Variants in NUP210 observed in about 807,000 individuals in gnomAD.
NUP210 encodes nucleoporin 210.
In NUP210, 151 loss-of-function variants were observed where a neutral mutation model predicts 196.0. The ratio of observed to expected loss-of-function variants is 0.77; its 90% CI spans 0.67 to 0.88. NUP210 has a LOEUF of 0.88. NUP210 is among the 40% of genes least tolerant of loss of function. NUP210 has a pLI of 0.00. For missense variants in NUP210, 2,314 were observed against 2,493.7 expected, an observed-to-expected ratio of 0.93 and a Z score of 1.53; for synonymous variants, 1,070 against 1,052.7, an observed-to-expected ratio of 1.02 and a Z score of -0.32.
rs1697764676 is a variant in NUP210 at position 13,347,040 on chromosome 3, G to A, written c.2836-3737C>T. 2.0e-6 allele frequency: 2 copies of A among 985,374 alleles called. No homozygotes were observed. The highest frequency in any genetic ancestry group is 2.4e-6 in the Non-Finnish European group (2 of 829,894). 61.0% of individuals were successfully genotyped at this position (985,374 alleles called of 1,614,324 possible). ...AAAAGGTGGATGCACCTGACTTCAG[G>A]CCCTGCAATTGCCACCCACTCCCCA... On this transcript the variant is annotated intron_variant, in intron 20 of 39. Coordinates refer to ENST00000254508, the MANE Select transcript of NUP210 (RefSeq NM_024923.4). The surrounding 1 kb of genome is among the most constrained non-coding windows in gnomAD (Gnocchi z 4.7).
intron 21 of NUP210, among the ~76,000 whole-genome samples, chr3:13,342,901 G>A (rs1559317758): frequency 6.6e-6 from 1 of 152,228 alleles, no homozygotes; most frequent in East Asian, 1.9e-4. Flanking sequence ...CAGAAGACAT[G>A]AATTCCCAGG....
chr3:13,396,178 A>T (rs149431916), intron 3 of NUP210, among the ~76,000 whole-genome samples: 53 of 152,308 alleles, frequency 3.5e-4, no homozygotes, highest in African/African-American at 1.2e-3. Flanking sequence ...CACTACTAAC[A>T]TCTAGTACGT....
intron 28 of NUP210, 37 bp from the exon 29 acceptor site, chr3:13,332,421 C>A: frequency 6.6e-7 from 1 of 1,510,550 alleles, no homozygotes; most frequent in Non-Finnish European, 9.2e-7. Flanking sequence ...CGATGGGGCA[C>A]TGGAGTCACA....
intron 3 of NUP210, among the ~76,000 whole-genome samples, chr3:13,395,578 A>G (rs1002227651): frequency 3.3e-5 from 5 of 152,178 alleles, no homozygotes; most frequent in African/African-American, 1.2e-4. Context: ...TCGGCCTCCC[A>G]AAGTGCTGGA....
At chr3:13,369,841 C>G (rs1355945381) in intron 13 of NUP210, among the ~76,000 whole-genome samples, 1 of 152,182 alleles carries the variant, frequency 6.6e-6, no homozygotes, top group Non-Finnish European at 1.5e-5. Flanking sequence ...GAAGATGCCA[C>G]CCAAGAGGGC....
intron 13 of NUP210, among the ~76,000 whole-genome samples, chr3:13,369,149 T>C (rs1322829398): frequency 1.3e-5 from 2 of 152,208 alleles, no homozygotes; most frequent in South Asian, 2.1e-4. Flanking sequence ...GTGCTTTTCA[T>C]TGTGGGTTTG....
chr3:13,331,102 G>A (rs1350521978), intron 29 of NUP210, among the ~76,000 whole-genome samples: 2 of 152,118 alleles, frequency 1.3e-5, no homozygotes, highest in Admixed American at 6.5e-5. Flanking sequence ...TGCACATTAT[G>A]TCCCCTCTTC....
Position 13,377,655 on chromosome 3 carries a change from G to A in NUP210, c.1046-93C>T, listed in dbSNP as rs372660449. 1.7e-4 allele frequency: 152 copies of A among 883,516 alleles called. 2 individuals are homozygous for A. The South Asian group carries it at 1.9e-3, about 11-fold the overall frequency. 54.7% of individuals were successfully genotyped at this position (883,516 alleles called of 1,614,324 possible). A position where few individuals can be genotyped will look rare whatever the true frequency, so the allele number is the denominator to read the frequency against. On this transcript the variant is annotated intron_variant, in intron 8 of 39. Coordinates refer to ENST00000254508, the MANE Select transcript of NUP210 (RefSeq NM_024923.4). ...ACCACCCTCAGCACAGGGGCCCTCA[G>A]CATCCACACGAGAAGCCCCACTCCA... is the stretch of plus-strand genomic sequence containing the variant.
chr3:13,412,802 T>C (rs1288164908), intron 1 of NUP210, among the ~76,000 whole-genome samples: 6 of 150,354 alleles, frequency 4.0e-5, no homozygotes, highest in Non-Finnish European at 1.5e-5. Context: ...AAACCCCGTC[T>C]CTACTAAAAA....
Position 13,347,803 on chromosome 3 carries a change from ACTTG to A in NUP210, c.2835+4072_2835+4075del, listed in dbSNP as rs1265403053. ...TGCAACTGTTTCTGAAGCAACCAGGACTTGCTGCTGACGTCAATACTCCCTGGAA... is the reference window on the plus strand; with the variant it reads ...TGCAACTGTTTCTGAAGCAACCAGGACTGCTGACGTCAATACTCCCTGGAA... On this transcript the variant is annotated intron_variant, in intron 20 of 39. Transcript: ENST00000254508. The surrounding 1 kb of genome is among the most constrained non-coding windows in gnomAD (Gnocchi z 4.7). 6.6e-6 allele frequency among the ~76,000 whole-genome samples: 1 copy of A among 152,228 alleles called. No homozygotes were observed. The highest frequency in any genetic ancestry group is 1.5e-5 in the Non-Finnish European group (1 of 68,040).
Position 13,323,535 on chromosome 3 carries a change from C to G in NUP210, c.4645-103G>C. 7.5e-7 allele frequency: 1 copy of G among 1,333,612 alleles called. No individual in the cohort carries two copies. The allele number at this position is 1,333,612 out of a possible 1,614,324, so 82.6% of individuals were successfully genotyped here. A position where few individuals can be genotyped will look rare whatever the true frequency, so the allele number is the denominator to read the frequency against. On this transcript the variant is annotated intron_variant, in intron 33 of 39. Transcript: ENST00000254508. This position sits in a 1 kb window ranked among gnomAD's most constrained non-coding sequence, Gnocchi z 4.3. ...CTGCAGTCTGTGACATAGTGTCACCCGTTTCACAGGTGGCAACACTGAGGC... is the reference window on the plus strand; with the variant it reads ...CTGCAGTCTGTGACATAGTGTCACCGGTTTCACAGGTGGCAACACTGAGGC...
At position 13,354,123 on chromosome 3, in the gene NUP210, G is replaced by A; in HGVS notation, c.2329-16C>T. On this transcript the variant is annotated splice_polypyrimidine_tract_variant and intron_variant, in intron 16 of 39. Coordinates refer to ENST00000254508, the MANE Select transcript of NUP210 (RefSeq NM_024923.4). ...ACACTGGGACCTGCAGGGAACACAGGTCAGATGTTGTGGTCACCCCCAGGA... is the reference window on the plus strand; with the variant it reads ...ACACTGGGACCTGCAGGGAACACAGATCAGATGTTGTGGTCACCCCCAGGA... 6.4e-7 allele frequency: 1 copy of A among 1,569,306 alleles called. No homozygotes were observed. Among genetic ancestry groups the A allele is most frequent in the Non-Finnish European group, 8.6e-7 (1 of 1,157,314 alleles).
chr3:13,352,055 G>A, intron 19 of NUP210, 25 bp downstream of exon 19: 1 of 1,603,880 alleles, frequency 6.2e-7, no homozygotes, highest in East Asian at 2.2e-5. Context: ...TCTTGCCCAG[G>A]AAGGTGGCAG....
chr3:13,348,705 T>C lies in NUP210; in HGVS notation c.2835+3174A>G. On this transcript the variant is annotated intron_variant, in intron 20 of 39. Transcript: ENST00000254508. This position sits in a 1 kb window ranked among gnomAD's most constrained non-coding sequence, Gnocchi z 4.0. ...CTCCAGTGTCCTCCAACCACAAGCA[T>C]GTCCCCAGCTGCTGAGGGCGTCCTG... 1.0e-6 allele frequency: 1 copy of C among 985,410 alleles called. No individual in the cohort carries two copies. Among genetic ancestry groups the C allele is most frequent in the Non-Finnish European group, 1.2e-6 (1 of 829,922 alleles). The allele number at this position is 985,410 out of a possible 1,614,324, so 61.0% of individuals were successfully genotyped here. A position where few individuals can be genotyped will look rare whatever the true frequency, so the allele number is the denominator to read the frequency against.
intron 3 of NUP210, among the ~76,000 whole-genome samples, chr3:13,395,652 CA>C (rs570446097): frequency 4.9e-4 from 74 of 152,222 alleles, no homozygotes; most frequent in African/African-American, 1.7e-3. Flanking sequence ...AATAATATTC[CA>C]TTGCAGGGGT....
chr3:13,345,627 G>T (rs984258218), intron 20 of NUP210, among the ~76,000 whole-genome samples: 1 of 152,170 alleles, frequency 6.6e-6, no homozygotes, highest in African/African-American at 2.4e-5. Flanking sequence ...AGCATGCCTG[G>T]GTTATTCCAC....
intron 2 of NUP210, among the ~76,000 whole-genome samples, chr3:13,398,452 T>C (rs1223829302): frequency 6.6e-6 from 1 of 152,090 alleles, no homozygotes; most frequent in African/African-American, 2.4e-5. Flanking sequence ...AATAAAAATA[T>C]TCAAAGCTGT....
At chr3:13,374,154 TCATGCTCA>T (rs1034305486) in intron 11 of NUP210, among the ~76,000 whole-genome samples, 2 of 151,958 alleles carry the variant, frequency 1.3e-5, no homozygotes, top group Non-Finnish European at 2.9e-5. Context: ...TCATTTACTC[TCATGCTCA>T]CATGCTCACC....
chr3:13,396,040 T>A (rs537120226), intron 3 of NUP210, among the ~76,000 whole-genome samples: 2 of 152,244 alleles, frequency 1.3e-5, no homozygotes, highest in East Asian at 3.9e-4. Flanking sequence ...GTGTCAGAGG[T>A]TAAGGGCCTC....
Sources: allele counts gnomAD v4.1 joint callset (sites outside exome capture counted in the v4.1 genomes callset), GRCh38; gene constraint gnomAD v4.1.1; non-coding constraint Gnocchi (gnomAD v3.1); transcripts MANE v1.5; gene names NCBI Gene and HGNC (gene_info 2026-07-23, HGNC 2026-07-21).